The following ABLIM1 variants were observed in gnomAD, a reference collection of about 807,000 sequenced individuals.
The protein encoded by ABLIM1 is actin-binding LIM protein 1.
ABLIM1 carries 40 observed loss-of-function variants against 107.0 expected under a neutral mutation model. The ratio of observed to expected loss-of-function variants is 0.37; its 90% CI spans 0.29 to 0.49. The LOEUF (loss-of-function observed/expected upper bound fraction) is 0.49, where lower values mean the gene tolerates loss of function less well. Among genes scored for constraint, ABLIM1 ranks in the 20% least tolerant of loss-of-function variants. ABLIM1 has a pLI of 0.97. For missense variants in ABLIM1, 857 were observed against 1,008.5 expected (o/e 0.85, Z 2.04); for synonymous variants, 357 against 357.3 (o/e 1.00, Z 0.01).
At chr10:114,628,495 C>A (rs2077962553) in intron 1 of ABLIM1, among the ~76,000 whole-genome samples, 2 of 152,234 alleles carry the variant, frequency 1.3e-5, no homozygotes, top group African/African-American at 4.8e-5. Flanking sequence ...TGCGTCCCTA[C>A]ACACATGAAT....
chr10:114,564,233 C>A (rs141118529), intron 4 of ABLIM1, among the ~76,000 whole-genome samples: 9 of 151,798 alleles, frequency 5.9e-5, no homozygotes, highest in African/African-American at 2.2e-4. Context: ...AATAACAAAG[C>A]CTTTGTTCTG....
chr10:114,750,893 C>A (rs570922148), intron 1 of ABLIM1, among the ~76,000 whole-genome samples: 2 of 152,262 alleles, frequency 1.3e-5, no homozygotes, highest in East Asian at 3.9e-4. Context: ...CCCCTGAGTT[C>A]TCTATTAATA....
intron 12 of ABLIM1, among the ~76,000 whole-genome samples, chr10:114,455,316 A>G (rs2062606581): frequency 6.6e-6 from 1 of 152,234 alleles, no homozygotes; most frequent in African/African-American, 2.4e-5. Context: ...ATCCAGACCC[A>G]AATATGTTAT....
chr10:114,628,596 A>G (rs1402970042), intron 1 of ABLIM1, among the ~76,000 whole-genome samples: 5 of 152,338 alleles, frequency 3.3e-5, no homozygotes, highest in South Asian at 2.1e-4. Context: ...GGGCCATCCA[A>G]CAATGTCAGA....
At chr10:114,559,465 A>C (rs2069329253) in intron 4 of ABLIM1, among the ~76,000 whole-genome samples, 1 of 147,430 alleles carries the variant, frequency 6.8e-6, no homozygotes, top group African/African-American at 2.5e-5. Flanking sequence ...AAAAAAAAGA[A>C]AGAAAGAAAA....
intron 2 of ABLIM1, among the ~76,000 whole-genome samples, chr10:114,583,345 A>T (rs1240873718): frequency 4.1e-5 from 6 of 146,702 alleles, no homozygotes; most frequent in Admixed American, 3.5e-4. Context: ...TAAAAAGTCA[A>T]AAAGAGACAA....
At chr10:114,462,587 G>T (rs917729173) in intron 12 of ABLIM1, among the ~76,000 whole-genome samples, 1 of 152,088 alleles carries the variant, frequency 6.6e-6, no homozygotes, top group African/African-American at 2.4e-5. Flanking sequence ...TTTTAATGCT[G>T]CCCAAACATG....
chr10:114,481,630 G>C (rs1200577737), intron 8 of ABLIM1, among the ~76,000 whole-genome samples: 2 of 152,162 alleles, frequency 1.3e-5, no homozygotes, highest in African/African-American at 4.8e-5. Flanking sequence ...TTTGTGTTTG[G>C]AGAGGAGGCA....
rs142730918 is a variant in ABLIM1, at chr10:114,453,282, C to T, written c.1546+97G>A. 2,193 of 1,331,804 alleles carry T rather than the reference C, an allele frequency of 1.6e-3. 3 individuals are homozygous for T. The highest frequency in any genetic ancestry group is 2.2e-3 in the Non-Finnish European group (2,011 of 932,556). 82.5% of individuals were successfully genotyped at this position (1,331,804 alleles called of 1,614,324 possible). A position where few individuals can be genotyped will look rare whatever the true frequency, so the allele number is the denominator to read the frequency against. On this transcript the variant is annotated intron_variant, in intron 13 of 22. Transcript: ENST00000533213. ...TTTAGGGTTTGTTAACTGTGCATCC[C>T]AATTAAAAGAGCATGAGAGATGAGA...
intron 6 of ABLIM1, among the ~76,000 whole-genome samples, chr10:114,520,663 A>AG (rs1342239982): frequency 3.3e-5 from 5 of 152,076 alleles, no homozygotes; most frequent in South Asian, 2.1e-4. Context: ...AAAAAAGAAA[A>AG]AAAAGAAAGA....
chr10:114,791,819 C>G, the ABLIM1 span, among the ~76,000 whole-genome samples: 18 of 152,166 alleles, frequency 1.2e-4, no homozygotes, highest in Non-Finnish European at 2.5e-4. Flanking sequence ...AACCCTTACA[C>G]TCTAGCTGCT....
chr10:114,746,862 G>A (rs886949397), intron 1 of ABLIM1, among the ~76,000 whole-genome samples: 2 of 152,128 alleles, frequency 1.3e-5, no homozygotes, highest in African/African-American at 4.8e-5. Flanking sequence ...TTTGAGCAAT[G>A]TCTATTCATA....
At chr10:114,553,098 G>GC (rs1257939519) in intron 4 of ABLIM1, among the ~76,000 whole-genome samples, 2 of 122,922 alleles carry the variant, frequency 1.6e-5, no homozygotes, top group African/African-American at 9.8e-5. Flanking sequence ...CGCCTTCCTG[G>GC]AATTCTCATT....
chr10:114,718,241 G>A (rs904066739), intron 1 of ABLIM1, among the ~76,000 whole-genome samples: 2 of 152,092 alleles, frequency 1.3e-5, no homozygotes, highest in African/African-American at 2.4e-5. Flanking sequence ...CTAGATGGTG[G>A]AAAAATAAGT....
At chr10:114,639,566 T>G (rs2078641211) in intron 1 of ABLIM1, among the ~76,000 whole-genome samples, 1 of 152,190 alleles carries the variant, frequency 6.6e-6, no homozygotes, top group Non-Finnish European at 1.5e-5. Flanking sequence ...GTTTCAGCAG[T>G]CTCAGCTGTG....
intron 1 of ABLIM1, among the ~76,000 whole-genome samples, chr10:114,654,634 A>G (rs1299632807): frequency 3.3e-5 from 5 of 152,142 alleles, no homozygotes; most frequent in Admixed American, 1.3e-4. Flanking sequence ...AGTTCTCATA[A>G]TCAATACTGC....
chr10:114,767,872 C>T (rs1051377814), intron 1 of ABLIM1, among the ~76,000 whole-genome samples: 2 of 151,966 alleles, frequency 1.3e-5, no homozygotes. Flanking sequence ...CGCCCACATC[C>T]GGGGATCAAG....
chr10:114,576,916 C>A (rs1201808592), intron 2 of ABLIM1, among the ~76,000 whole-genome samples: 17 of 152,166 alleles, frequency 1.1e-4, no homozygotes, highest in Admixed American at 1.1e-3. Context: ...GAAAACAGCT[C>A]ATTCACCACC....
At chr10:114,523,421 G>T (rs1490843870) in intron 6 of ABLIM1, among the ~76,000 whole-genome samples, 1 of 152,064 alleles carries the variant, frequency 6.6e-6, no homozygotes, top group African/African-American at 2.4e-5. Context: ...TTTCACCTCT[G>T]ATCATAAGCT....
Sources: allele counts gnomAD v4.1 joint callset (sites outside exome capture counted in the v4.1 genomes callset), GRCh38; gene constraint gnomAD v4.1.1; transcripts MANE v1.5; gene names NCBI Gene and HGNC (gene_info 2026-07-23, HGNC 2026-07-21).